The following NTRK1 variants were observed in gnomAD, a reference collection of about 807,000 sequenced individuals.
NTRK1 encodes the protein neurotrophic receptor tyrosine kinase 1.
Under a neutral mutation model 86.8 loss-of-function variants are expected in NTRK1, and 62 were observed. The observed-to-expected ratio is 0.71, with a 90% CI of 0.58 to 0.88. The LOEUF is 0.88. Ranked by LOEUF, NTRK1 falls within the 40% of genes least tolerant of loss-of-function variation. The probability of loss-of-function intolerance (pLI) is 0.00; values close to 1 mark genes in which losing one functional copy is unlikely to be tolerated. For missense variants in NTRK1, 967 were observed against 1,078.4 expected, an observed-to-expected ratio of 0.90 and a Z score of 1.45; for synonymous variants, 469 against 456.6, an observed-to-expected ratio of 1.03 and a Z score of -0.35.
At chr1:156,851,489 G>A (rs900823849) in intron 2 of NTRK1, 11 of 1,610,354 alleles carry the variant, frequency 6.8e-6, no homozygotes, top group Non-Finnish European at 8.5e-6. Context: ...TGGGTCTGTG[G>A]GGCAAGGGGG....
At position 156,875,026 on chromosome 1, in the gene NTRK1, A is replaced by G. The variant is rs73004759; in HGVS notation, c.1354+18A>G. The G allele has an allele frequency of 1.3e-6, 2 of 1,557,360 alleles. No individual in the cohort carries two copies. Among genetic ancestry groups the G allele is most frequent in the Admixed American group, 1.7e-5 (1 of 59,934 alleles). ...GATCAACCGTGAGTCGGGGCTGCAG[A>G]GGGCTGTCTGTCTGTCTGTTCTCCT... On this transcript the variant is annotated intron_variant, in intron 11 of 16. Coordinates refer to ENST00000524377, the MANE Select transcript of NTRK1 (RefSeq NM_002529.4).
intron 6 of NTRK1, among the ~76,000 whole-genome samples, chr1:156,869,927 T>C (rs566459340): frequency 2.4e-4 from 36 of 152,288 alleles, no homozygotes; most frequent in African/African-American, 7.9e-4. Context: ...GAGCATGGTG[T>C]TTATTTGGGG....
chr1:156,874,644 A>C lies in NTRK1; in HGVS notation c.1251+18A>C. ...CTTTTGGGGTGAGATAGGAAGTAGA[A>C]GCTTGTGCAGACTTTGGGACCGGGA... On this transcript the variant is annotated intron_variant, in intron 10 of 16. Transcript: ENST00000524377. 1 of 1,610,768 alleles carries C rather than the reference A, an allele frequency of 6.2e-7. No individual in the cohort carries two copies. Among genetic ancestry groups the C allele is most frequent in the Non-Finnish European group, 8.5e-7 (1 of 1,178,294 alleles).
In NTRK1 at chr1:156,880,154, G is replaced by T; in HGVS notation, c.2202G>T (p.Thr734=). 2 of 1,613,006 alleles carry T rather than the reference G, an allele frequency of 1.2e-6. No individual in the cohort carries two copies. The change falls in exon 16 of 17, where the codon ACG becomes ACT. Residue 734 remains threonine (T), a synonymous_variant. Transcript: ENST00000524377. ...AGCCCTGGTACCAGCTCTCCAACAC[G>T]GAGGTCAGCCCCGGCCCATGGTCAC... is the stretch of plus-strand genomic sequence containing the variant. ...GKQPWYQLSN[T]EAIDCITQGR... is the part of the protein sequence containing the mutation.
rs2102905580 is a variant in NTRK1, at chr1:156,873,793, C to A, written c.1011C>A (p.Ala337=). The change falls in exon 8 of 17, where the codon GCC becomes GCA. Residue 337 remains alanine, a synonymous_variant. Transcript: ENST00000524377. ...FIFTEFLEPA[A]NETVRHGCLR... ...TCACTGAGTTCCTGGAGCCGGCAGC[C>A]AATGAGACCGTGCGGCACGGGTGTC... is the stretch of plus-strand genomic sequence containing the variant. 6.2e-7 allele frequency: 1 copy of A among 1,613,266 alleles called. No individual in the cohort carries two copies. Among genetic ancestry groups the A allele is most frequent in the Non-Finnish European group, 8.5e-7 (1 of 1,179,736 alleles).
intron 2 of NTRK1, 140 bp from the exon 3 acceptor site, chr1:156,864,588 G>A (rs538733103): frequency 8.9e-6 from 10 of 1,126,504 alleles, no homozygotes; most frequent in Non-Finnish European, 1.3e-5. Flanking sequence ...GAGGGGTCTA[G>A]AGTAGTTGAG....
In NTRK1 at chr1:156,881,714, C is replaced by G. The variant is rs1648280232; in HGVS notation, c.*72C>G. The G allele has an allele frequency of 7.0e-7, 1 of 1,433,040 alleles. No homozygotes were observed. Among genetic ancestry groups the G allele is most frequent in the Non-Finnish European group, 9.4e-7 (1 of 1,063,886 alleles). The allele number at this position is 1,433,040 out of a possible 1,614,324, so 88.8% of individuals were successfully genotyped here. A position where few individuals can be genotyped will look rare whatever the true frequency, so the allele number is the denominator to read the frequency against. On this transcript the variant is annotated 3_prime_UTR_variant, in exon 17 of 17. Coordinates refer to ENST00000524377, the MANE Select transcript of NTRK1 (RefSeq NM_002529.4). The stretch of plus-strand genomic sequence containing the variant: ...TGCCCTCAGCATCCCCCATAGCTCC[C>G]AGCAGCCCCAGGGTGATCTCAAAGT...
In NTRK1 at chr1:156,875,020, C is replaced by T. The variant is rs1647814382; in HGVS notation, c.1354+12C>T. 2.6e-6 allele frequency: 4 copies of T among 1,562,016 alleles called. No homozygotes were observed. The highest frequency in any genetic ancestry group is 3.5e-6 in the Non-Finnish European group (4 of 1,132,658). On this transcript the variant is annotated intron_variant, in intron 11 of 16. Transcript: ENST00000524377. ...GTTTGGGATCAACCGTGAGTCGGGG[C>T]TGCAGAGGGCTGTCTGTCTGTCTGT...
chr1:156,818,782 A>G (rs1365343180), intron 1 of NTRK1, among the ~76,000 whole-genome samples: 1 of 152,226 alleles, frequency 6.6e-6, no homozygotes. Flanking sequence ...TGCTATAAAC[A>G]TGCGTGTGCA....
rs532556729 is a variant in NTRK1 at position 156,864,835 on chromosome 1, G to A, written c.359+36G>A. On this transcript the variant is annotated intron_variant, in intron 3 of 16. Transcript: ENST00000524377. ...CCAGTGCTGGGCAGTGGGAGTTGGG[G>A]AGGACACCCAGACTTGGGCTGCTAA... The A allele has an allele frequency of 8.3e-5, 133 of 1,597,022 alleles. No individual in the cohort carries two copies. The South Asian group carries it at 1.5e-3, about 17-fold the overall frequency.
intron 1 of NTRK1, among the ~76,000 whole-genome samples, chr1:156,825,521 A>G (rs1490329772): frequency 6.6e-6 from 1 of 152,208 alleles, no homozygotes; most frequent in Non-Finnish European, 1.5e-5. Flanking sequence ...GTCTGCTTTC[A>G]GGGAACAAAA....
intron 1 of NTRK1, among the ~76,000 whole-genome samples, chr1:156,831,704 G>A (rs1404431108): frequency 6.6e-6 from 1 of 152,182 alleles, no homozygotes; most frequent in Non-Finnish European, 1.5e-5. Context: ...GGCTCCAGAT[G>A]TTCTGAGGGA....
At chr1:156,818,910 T>C (rs1654106169) in intron 1 of NTRK1, among the ~76,000 whole-genome samples, 3 of 152,208 alleles carry the variant, frequency 2.0e-5, no homozygotes, top group Admixed American at 1.3e-4. Context: ...CTGTTTTTCA[T>C]AGTGGTTTTA....
Position 156,873,866 on chromosome 1 carries a change from C to T in NTRK1, c.1084C>T (p.Leu362=), listed in dbSNP as rs2102906028. 2 of 1,602,544 alleles carry T rather than the reference C, an allele frequency of 1.2e-6. No homozygotes were observed. Among genetic ancestry groups the T allele is most frequent in the East Asian group, 2.3e-5 (1 of 44,258 alleles). Residue 362 remains leucine, a synonymous_variant, in exon 8 of 17, where the codon CTG becomes TTG. Coordinates refer to ENST00000524377, the MANE Select transcript of NTRK1 (RefSeq NM_002529.4). ...THVNNGNYTL[L]AANPFGQASA... Reference sequence around the variant, plus strand: ...CGTCAACAACGGCAACTACACGCTGCTGGCTGCCAACCCCTTCGGCCAGGC... The same window carrying T: ...CGTCAACAACGGCAACTACACGCTGTTGGCTGCCAACCCCTTCGGCCAGGC...
rs1003547132 is a variant in NTRK1 at position 156,854,604 on chromosome 1, C to A, written c.51-9750C>A. Reference sequence around the variant, plus strand: ...CAGTCAGGCTCCCAACGACTGCAAGCGACTCCCAGCGACTTCATTCTTGCA... The same window carrying A: ...CAGTCAGGCTCCCAACGACTGCAAGAGACTCCCAGCGACTTCATTCTTGCA... On this transcript the variant is annotated intron_variant, in intron 2 of 16. Transcript: ENST00000392302. This position sits in a 1 kb window ranked among gnomAD's most constrained non-coding sequence, Gnocchi z 4.2. Among the ~76,000 whole-genome samples, 1 of 152,188 alleles carries A rather than the reference C, an allele frequency of 6.6e-6. No individual in the cohort carries two copies. Among genetic ancestry groups the A allele is most frequent in the Non-Finnish European group, 1.5e-5 (1 of 68,026 alleles).
At chr1:156,878,824 A>G (rs529621714) in intron 14 of NTRK1, among the ~76,000 whole-genome samples, 6 of 152,262 alleles carry the variant, frequency 3.9e-5, no homozygotes, top group Middle Eastern at 3.4e-3. Flanking sequence ...TGAGTCTGAC[A>G]TGCCTATGGC....
At chr1:156,866,529 C>A (rs1022695613) in intron 3 of NTRK1, among the ~76,000 whole-genome samples, 5 of 152,190 alleles carry the variant, frequency 3.3e-5, no homozygotes, top group African/African-American at 4.8e-5. Context: ...TTCCTCTGGC[C>A]CCGTCCTGGG....
chr1:156,840,523 A>C, intron 1 of NTRK1: 1 of 311,770 alleles, frequency 3.2e-6, no homozygotes, highest in Non-Finnish European at 6.1e-6. Context: ...CTACCTGTCC[A>C]GAGGAGACCC....
At chr1:156,849,529 T>A in intron 2 of NTRK1, 1 of 1,150,256 alleles carries the variant, frequency 8.7e-7, no homozygotes, top group Non-Finnish European at 1.3e-6. Context: ...GGATGGCTTA[T>A]GGGTTCCTCC....
Sources: allele counts gnomAD v4.1 joint callset (sites outside exome capture counted in the v4.1 genomes callset), GRCh38; gene constraint gnomAD v4.1.1; non-coding constraint Gnocchi (gnomAD v3.1); transcripts MANE v1.5; gene names NCBI Gene and HGNC (gene_info 2026-07-23, HGNC 2026-07-21).